Variants in NDEL1 observed in about 807,000 individuals in gnomAD.
The protein encoded by NDEL1 is nudE neurodevelopment protein 1 like 1.
In NDEL1, 9 loss-of-function variants were observed where a neutral mutation model predicts 45.7. That is an observed-to-expected ratio of 0.20 (90% CI 0.12 to 0.34). NDEL1 has a LOEUF of 0.34. Ranked by LOEUF, NDEL1 falls within the 10% of genes least tolerant of loss-of-function variation. NDEL1 has a pLI of 1.00. For synonymous variants in NDEL1, 133 were observed against 158.6 expected (o/e 0.84, Z 1.21); for missense variants, 306 against 406.2 (o/e 0.75, Z 2.12).
intron 1 of NDEL1, among the ~76,000 whole-genome samples, chr17:8,429,681 G>A (rs539753228): frequency 6.6e-6 from 1 of 152,230 alleles, no homozygotes; most frequent in East Asian, 1.9e-4. Context: ...GACCTAGAGA[G>A]GTGATCCATA....
chr17:8,448,708 A>G (rs1267700936), intron 5 of NDEL1, 22 bp downstream of exon 5: 1 of 1,599,286 alleles, frequency 6.3e-7, no homozygotes, highest in South Asian at 1.1e-5. Context: ...AACTTAAAGA[A>G]TACAGTTGAC....
intron 1 of NDEL1, among the ~76,000 whole-genome samples, chr17:8,427,356 G>T (rs914065957): frequency 6.6e-6 from 1 of 152,152 alleles, no homozygotes; most frequent in African/African-American, 2.4e-5. Flanking sequence ...GTCAGGGACC[G>T]AACCATAGTG....
intron 5 of NDEL1, among the ~76,000 whole-genome samples, chr17:8,450,241 A>G (rs1444039086): frequency 6.7e-6 from 1 of 149,444 alleles, no homozygotes; most frequent in East Asian, 2.0e-4. Flanking sequence ...GTGAGCCGAG[A>G]TTGCGTCACT....
intron 1 of NDEL1, among the ~76,000 whole-genome samples, chr17:8,426,131 G>A (rs1908824844): frequency 6.6e-6 from 1 of 151,964 alleles, no homozygotes; most frequent in South Asian, 2.1e-4. Context: ...CCTTCTTTTT[G>A]TTTTTTCATT....
chr17:8,465,866 C>G lies in NDEL1; in HGVS notation c.945-1064C>G, dbSNP rs976484295. ...GGTTCCAGGCTGCACACTCCCTCCC[C>G]CTCTTGCTGCTTCCTGTGGCTGCGC... is the stretch of plus-strand genomic sequence containing the variant. On this transcript the variant is annotated intron_variant, in intron 8 of 8. Coordinates refer to ENST00000334527, the MANE Select transcript of NDEL1 (RefSeq NM_030808.5). This position sits in a 1 kb window ranked among gnomAD's most constrained non-coding sequence, Gnocchi z 4.9. 3.4e-4 allele frequency: 52 copies of G among 152,542 alleles called. No individual in the cohort carries two copies. Among genetic ancestry groups the G allele is most frequent in the Admixed American group, 2.5e-3 (39 of 15,308 alleles). The allele number at this position is 152,542 out of a possible 1,614,324, so 9.4% of individuals were successfully genotyped here.
At chr17:8,445,672 C>T in intron 2 of NDEL1, 39 bp from the exon 3 acceptor site, 1 of 1,573,976 alleles carries the variant, frequency 6.4e-7, no homozygotes, top group Non-Finnish European at 8.6e-7. Flanking sequence ...CCTTGTGGTT[C>T]TTAGTGTAAC....
At chr17:8,428,505 C>T (rs1425512745) in intron 1 of NDEL1, among the ~76,000 whole-genome samples, 1 of 151,094 alleles carries the variant, frequency 6.6e-6, no homozygotes, top group Admixed American at 6.6e-5. Context: ...GCTGGGATTA[C>T]AGGCATGTGC....
chr17:8,424,493 TTTG>T lies in NDEL1; in HGVS notation c.-13+11230_-13+11232del, dbSNP rs1470162066. ...GTTGCACCTTTGTTTTTTGTTTTGT[TTTG>T]TTGTTTTGTTTTTCTTTTGTTTTGA... On this transcript the variant is annotated intron_variant, in intron 1 of 4. Coordinates refer to the NDEL1 transcript ENST00000582812. Among the ~76,000 whole-genome samples, 8 of 152,268 alleles carry T rather than the reference TTTG, an allele frequency of 5.3e-5. No homozygotes were observed. In the East Asian group the frequency reaches 1.5e-3, roughly 29 times the overall value.
At chr17:8,452,740 C>CTTTTTTTTTTTTTTTTTTT in intron 6 of NDEL1, among the ~76,000 whole-genome samples, 2 of 95,626 alleles carry the variant, frequency 2.1e-5, no homozygotes, top group African/African-American at 4.1e-5. Context: ...TTTTTCTTCT[C>CTTTTTTTTTTTTTTTTTTT]TTTTTTTTTT....
chr17:8,446,694 C>T, intron 3 of NDEL1, 60 bp from the exon 4 acceptor site: 4 of 1,549,458 alleles, frequency 2.6e-6, no homozygotes, highest in Non-Finnish European at 3.5e-6. Context: ...CTTGAGTTAC[C>T]TCTTTAGTAA....
chr17:8,451,077 CT>C, intron 6 of NDEL1, 124 bp downstream of exon 6: 2 of 798,228 alleles, frequency 2.5e-6, no homozygotes, highest in South Asian at 2.9e-5. Context: ...AAGTCTAGTG[CT>C]ATGTGAAATA....
chr17:8,418,700 C>A (rs555522189), intron 1 of NDEL1, among the ~76,000 whole-genome samples: 169 of 147,286 alleles, frequency 1.1e-3, no homozygotes, highest in Non-Finnish European at 1.7e-3. Context: ...CTCTCTTTCT[C>A]TTTTCTTTCT....
rs78918313 is a variant in NDEL1, at chr17:8,422,035, C to T, written c.-13+8766C>T. On this transcript the variant is annotated intron_variant, in intron 1 of 4. Transcript: ENST00000582812. ...ATCAGCTGGGATGGCGCTGATTTGG[C>T]CAAGGTGAATAACATGAGGCATGGC... 2.9e-4 allele frequency among the ~76,000 whole-genome samples: 44 copies of T among 152,244 alleles called. 1 individual carries two copies. In the East Asian group the frequency reaches 7.7e-3, roughly 27 times the overall value.
chr17:8,447,982 C>A (rs558894764), intron 4 of NDEL1, among the ~76,000 whole-genome samples: 1 of 107,714 alleles, frequency 9.3e-6, no homozygotes. Context: ...GGGAGGTGGG[C>A]GGGGGGGGGG....
downstream of NDEL1, among the ~76,000 whole-genome samples, chr17:8,470,872 C>T (rs115277885): frequency 7.5e-3 from 1,135 of 152,338 alleles, 12 homozygotes; most frequent in African/African-American, 0.026. The surrounding 1 kb of genome is among the most constrained non-coding windows in gnomAD (Gnocchi z 4.2). Flanking sequence ...GCCCGCTGCG[C>T]ATGCTGACTC....
intron 8 of NDEL1, chr17:8,463,362 A>G (rs1370543515): frequency 6.2e-7 from 1 of 1,612,586 alleles, no homozygotes; most frequent in Non-Finnish European, 8.5e-7. Context: ...TGGGTAACTG[A>G]ATTTGTTTGC....
rs751540416 is a variant in NDEL1, at chr17:8,450,924, G to A, written c.671G>A (p.Gly224Glu). ...TTGCCAGCTACCCCTGTTGGCAAAG[G>A]AACGGAGAACACTTTTCCTTCACCG... ...LSLPATPVGK[G>E]TENTFPSPKA... The change falls in exon 6 of 9, where the codon GGA (glycine) becomes GAA (glutamate). Residue 224 changes from glycine to glutamate, a missense_variant. Gly to Glu is a moderately conservative substitution (Grantham distance 98, BLOSUM62 -2). This residue lies in a region of NDEL1 where 175 missense variants were observed against 205.2 expected (regional missense o/e 0.85). Transcript: ENST00000334527. 9.9e-6 allele frequency: 16 copies of A among 1,609,980 alleles called. No homozygotes were observed. The South Asian group carries it at 1.4e-4, about 15-fold the overall frequency.
intron 1 of NDEL1, among the ~76,000 whole-genome samples, chr17:8,428,787 C>T (rs1429777941): frequency 6.6e-6 from 1 of 152,024 alleles, no homozygotes; most frequent in Non-Finnish European, 1.5e-5. Context: ...CATTCTCCTG[C>T]CTCAGCCTCC....
chr17:8,473,714 G>A (rs567967236), intron 3 of NDEL1, among the ~76,000 whole-genome samples: 3 of 152,304 alleles, frequency 2.0e-5, no homozygotes, highest in South Asian at 2.1e-4. Context: ...CAGTCTAACC[G>A]GAGAATATTA....
Sources: gnomAD v4.1 joint callset for allele counts (sites outside exome capture counted in the v4.1 genomes callset) on GRCh38, gnomAD v4.1.1 for gene constraint, gnomAD v4.1.1 regional missense constraint, Gnocchi (gnomAD v3.1) non-coding constraint, MANE v1.5 for transcripts, NCBI Gene and HGNC (gene_info 2026-07-23, HGNC 2026-07-21) for gene names.